The following ZNF737 variants were observed in gnomAD, a reference collection of about 807,000 sequenced individuals.
The protein encoded by ZNF737 is zinc finger protein 737, also known as zinc finger protein 102 (Y3).
In ZNF737, 13 loss-of-function variants were observed where a neutral mutation model predicts 11.7. The observed-to-expected ratio is 1.11, with a 90% CI of 0.73 to 1.77. ZNF737 has a LOEUF of 1.77. Ranked by LOEUF, ZNF737 falls within the 40% of genes most tolerant of loss-of-function variation. The probability of loss-of-function intolerance (pLI) is 0.00; values close to 1 mark genes in which losing one functional copy is unlikely to be tolerated. For synonymous variants in ZNF737, 217 were observed against 216.2 expected, an observed-to-expected ratio of 1.00 and a Z score of -0.03; for missense variants, 636 against 638.0, an observed-to-expected ratio of 1.00 and a Z score of 0.03.
At chr19:20,552,403 G>A in intron 3 of ZNF737, 72 bp downstream of exon 3, 1 of 1,073,910 alleles carries the variant, frequency 9.3e-7, no homozygotes, top group Non-Finnish European at 1.3e-6. Flanking sequence ...ACACTTTAAG[G>A]ACTGGCTTTC....
chr19:20,559,045 A>C (rs1397699123), intron 1 of ZNF737, among the ~76,000 whole-genome samples: 3 of 152,202 alleles, frequency 2.0e-5, no homozygotes, highest in Non-Finnish European at 4.4e-5. Flanking sequence ...GAAGATAAAC[A>C]CTTAAATGTA....
rs1034467626 is a variant in ZNF737 at position 20,554,988 on chromosome 19, G to A, written c.4-1153C>T. Among the ~76,000 whole-genome samples the A allele has an allele frequency of 1.4e-4, 16 of 113,090 alleles. 1 individual carries two copies. In the Middle Eastern group the frequency reaches 0.038, roughly 267 times the overall value. The allele number at this position is 113,090 out of a possible 152,430, so 74.2% of individuals were successfully genotyped here. A position where few individuals can be genotyped will look rare whatever the true frequency, so the allele number is the denominator to read the frequency against. On this transcript the variant is annotated intron_variant, in intron 1 of 3. Transcript: ENST00000427401. ...AGTGGGTCTCCTGCCTCAGCTTCCC[G>A]AGTAGCTGGGATTACAGGTGCCTGC...
intron 1 of ZNF737, among the ~76,000 whole-genome samples, chr19:20,558,098 C>T (rs1473943229): frequency 6.6e-6 from 1 of 151,674 alleles, no homozygotes; most frequent in African/African-American, 2.4e-5. Flanking sequence ...CCCATCTCTA[C>T]TAAATATACA....
intron 1 of ZNF737, among the ~76,000 whole-genome samples, chr19:20,561,244 G>A (rs1335890944): frequency 6.6e-6 from 1 of 152,162 alleles, no homozygotes; most frequent in African/African-American, 2.4e-5. Flanking sequence ...GATTGCTGCT[G>A]CAGATTTAGT....
rs2023160 is a variant in ZNF737 at position 20,542,272 on chromosome 19, A to C, written c.*2320T>G. 346,148 of 851,240 alleles carry C rather than the reference A, an allele frequency of 0.41. 70,931 individuals carry two copies. Among genetic ancestry groups the C allele is most frequent in the Admixed American group, 0.47 (7,607 of 16,030 alleles). The allele number at this position is 851,240 out of a possible 1,614,324, so 52.7% of individuals were successfully genotyped here. A position where few individuals can be genotyped will look rare whatever the true frequency, so the allele number is the denominator to read the frequency against. On this transcript the variant is annotated 3_prime_UTR_variant, in exon 4 of 4. Coordinates refer to ENST00000427401, the MANE Select transcript of ZNF737 (RefSeq NM_001159293.2). The stretch of plus-strand genomic sequence containing the variant: ...AGACAGAGTTTTGCTCTTGTTGCCC[A>C]GACTGGAGTGCAATCGCACAATCTT...
rs782244507 is a variant in ZNF737, at chr19:20,544,984, T to TAA, written c.1217_1218dup (p.Lys407LeufsTer12). ...TGTGTAGTAAGGGAAGAGGAGTACT[T>TAA]AAAGGCTTCGCCACATTCTTCACAT... On this transcript the variant is annotated frameshift_variant, in exon 4 of 4. Coordinates refer to ENST00000427401, the MANE Select transcript of ZNF737 (RefSeq NM_001159293.2). LOFTEE classifies it low-confidence loss of function (END_TRUNC). 18 of 1,613,522 alleles carry TAA rather than the reference T, an allele frequency of 1.1e-5. No individual in the cohort carries two copies. In the African/African-American group the frequency reaches 1.7e-4, roughly 16 times the overall value.
intron 3 of ZNF737, among the ~76,000 whole-genome samples, chr19:20,549,697 A>T (rs1349647311): frequency 6.6e-6 from 1 of 152,114 alleles, no homozygotes; most frequent in East Asian, 1.9e-4. Context: ...TGGGAGGCCA[A>T]GATGAGCAGA....
the ZNF737 span, among the ~76,000 whole-genome samples, chr19:20,530,757 C>A: frequency 6.8e-6 from 1 of 146,584 alleles, no homozygotes; most frequent in Admixed American, 6.7e-5. Flanking sequence ...GGCAGCCAGG[C>A]AGAGGGGCTC....
rs1968058493 is a variant in ZNF737, at chr19:20,538,274, C to T, written c.*6318G>A. On this transcript the variant is annotated 3_prime_UTR_variant, in exon 4 of 4. Coordinates refer to ENST00000427401, the MANE Select transcript of ZNF737 (RefSeq NM_001159293.2). Reference sequence around the variant, plus strand: ...TAGCCTAAATATTTGCCCTGGCATGCTTATACTAATCCAAGCAAGCATTAG... The same window carrying T: ...TAGCCTAAATATTTGCCCTGGCATGTTTATACTAATCCAAGCAAGCATTAG... Among the ~76,000 whole-genome samples, 1 of 152,232 alleles carries T rather than the reference C, an allele frequency of 6.6e-6. No individual in the cohort carries two copies. Among genetic ancestry groups the T allele is most frequent in the Non-Finnish European group, 1.5e-5 (1 of 68,042 alleles).
At chr19:20,550,643 T>G (rs1236351220) in intron 3 of ZNF737, among the ~76,000 whole-genome samples, 7 of 152,142 alleles carry the variant, frequency 4.6e-5, no homozygotes, top group African/African-American at 1.7e-4. Flanking sequence ...TAATGACAGC[T>G]CCATGGAACA....
intron 1 of ZNF737, 122 bp downstream of exon 1, chr19:20,565,516 G>A: frequency 6.5e-7 from 1 of 1,537,592 alleles, no homozygotes; most frequent in Non-Finnish European, 9.0e-7. Context: ...GCTGGGCAAG[G>A]AGAACTCAGG....
Position 20,544,422 on chromosome 19 carries a change from A to C in ZNF737, c.*170T>G. 1.4e-6 allele frequency: 2 copies of C among 1,446,752 alleles called. No homozygotes were observed. The highest frequency in any genetic ancestry group is 1.8e-6 in the Non-Finnish European group (2 of 1,106,540). 89.6% of individuals were successfully genotyped at this position (1,446,752 alleles called of 1,614,324 possible). A position where few individuals can be genotyped will look rare whatever the true frequency, so the allele number is the denominator to read the frequency against. ...CTTAAAGGCTTTGCTGCATTTTCTT[A>C]TTTGTTGGGTTTCTTTCCCGCATGA... On this transcript the variant is annotated 3_prime_UTR_variant, in exon 4 of 4. Coordinates refer to ENST00000427401, the MANE Select transcript of ZNF737 (RefSeq NM_001159293.2).
At position 20,544,749 on chromosome 19, in the gene ZNF737, C is replaced by G. The variant is rs371460168; in HGVS notation, c.1454G>C (p.Arg485Pro). 5.9e-6 allele frequency: 9 copies of G among 1,523,606 alleles called. No homozygotes were observed. Among genetic ancestry groups the G allele is most frequent in the East Asian group, 2.5e-5 (1 of 40,606 alleles). The allele number at this position is 1,523,606 out of a possible 1,614,324, so 94.4% of individuals were successfully genotyped here. The change falls in exon 4 of 4, where the codon CGA becomes CCA. Residue 485 changes from arginine to proline, a missense_variant. By Grantham distance (103) the Arg-to-Pro change is moderately radical. Transcript: ENST00000427401. ...GGAGCGCTTAAAAGCCTTGCCACAT[C>G]GTTCACATTTGTAGGGTTTCTCTCC... ...HTGEKPYKCE[R>P]CGKAFKRSFI...
At position 20,544,442 on chromosome 19, in the gene ZNF737, G is replaced by A. The variant is rs548572522; in HGVS notation, c.*150C>T. ...TTCTTATTTGTTGGGTTTCTTTCCC[G>A]CATGAATTATCTAATGTCTACTAAG... On this transcript the variant is annotated 3_prime_UTR_variant, in exon 4 of 4. Coordinates refer to ENST00000427401, the MANE Select transcript of ZNF737 (RefSeq NM_001159293.2). 27 of 1,468,474 alleles carry A rather than the reference G, an allele frequency of 1.8e-5. No individual in the cohort carries two copies. Among genetic ancestry groups the A allele is most frequent in the South Asian group, 7.4e-5 (5 of 67,120 alleles). The allele number at this position is 1,468,474 out of a possible 1,614,324, so 91.0% of individuals were successfully genotyped here.
intron 2 of ZNF737, among the ~76,000 whole-genome samples, chr19:20,552,897 A>T (rs1457744224): frequency 3.3e-5 from 5 of 151,850 alleles, no homozygotes; most frequent in African/African-American, 1.2e-4. Flanking sequence ...CTGTAGTCCC[A>T]GATACTCATG....
chr19:20,533,286 G>T (rs1202450587), downstream of ZNF737, among the ~76,000 whole-genome samples: 7 of 150,066 alleles, frequency 4.7e-5, 1 homozygote, highest in East Asian at 1.4e-3. Context: ...ATAGGGAAAA[G>T]ATTTTTATAC....
chr19:20,549,490 T>C (rs1477730971), intron 3 of ZNF737, among the ~76,000 whole-genome samples: 1 of 152,048 alleles, frequency 6.6e-6, no homozygotes, highest in Non-Finnish European at 1.5e-5. Flanking sequence ...TAGCTGAGCA[T>C]GGTGGCTCAT....
chr19:20,535,887 A>T (rs1164971740), downstream of ZNF737: 1 of 165,192 alleles, frequency 6.1e-6, no homozygotes, highest in Non-Finnish European at 1.2e-5. Flanking sequence ...TCATAGAAGC[A>T]GATGGTACAA....
chr19:20,561,003 C>G (rs557545423), intron 1 of ZNF737, among the ~76,000 whole-genome samples: 1 of 151,992 alleles, frequency 6.6e-6, no homozygotes, highest in African/African-American at 2.4e-5. Flanking sequence ...ATAATCTGCA[C>G]GCAAAACCCC....
Sources: gnomAD v4.1 joint callset for allele counts (sites outside exome capture counted in the v4.1 genomes callset) on GRCh38, gnomAD v4.1.1 for gene constraint, MANE v1.5 for transcripts, NCBI Gene and HGNC (gene_info 2026-07-23, HGNC 2026-07-21) for gene names.